The following OFD1 variants were observed in gnomAD, a reference collection of about 807,000 sequenced individuals.
The protein encoded by OFD1 is OFD1 centriole and centriolar satellite protein.
OFD1 carries 12 observed loss-of-function variants against 81.4 expected under a neutral mutation model. The observed-to-expected ratio is 0.15, with a 90% CI of 0.09 to 0.24. The LOEUF (loss-of-function observed/expected upper bound fraction) is 0.24, where lower values mean the gene tolerates loss of function less well. Ranked by LOEUF, OFD1 falls within the 10% of genes least tolerant of loss-of-function variation. The pLI, the probability that OFD1 is intolerant of heterozygous loss-of-function variation, is 1.00. For missense variants in OFD1, 685 were observed against 733.9 expected (o/e 0.93, Z 0.77); for synonymous variants, 256 against 263.7 (o/e 0.97, Z 0.28).
chrX:13,740,292 T>A, intron 5 of OFD1: 1 of 550,105 alleles, frequency 1.8e-6, no homozygotes, highest in South Asian at 2.4e-5. Flanking sequence ...GTGTCTATGC[T>A]GTTTAATGTG....
chrX:13,722,595 C>A, the OFD1 span, among the ~76,000 whole-genome samples: 3 of 111,562 alleles, frequency 2.7e-5, no homozygotes, highest in Admixed American at 9.5e-5. Context: ...GAGAAAATGA[C>A]CTCATTGTCT....
Position 13,749,504 on chromosome X carries a change from G to T in OFD1, c.906G>T (p.Glu302Asp). Residue 302 changes from glutamate to aspartate, a missense_variant, in exon 9 of 23, where the codon GAG becomes GAT. By Grantham distance (45) the Glu-to-Asp change is conservative. Around this residue, in one of 3 missense-constraint regions of OFD1, gnomAD observed 414 missense variants for 447.2 expected, o/e 0.93. Transcript: ENST00000340096. Reference sequence around the variant, plus strand: ...ATTTGCTAAGAGGAAGAGAAGCAGAGCTGAAGCAAAGAGTTGAAGCTTTTG... The same window carrying T: ...ATTTGCTAAGAGGAAGAGAAGCAGATCTGAAGCAAAGAGTTGAAGCTTTTG... ...DMDLLRGREA[E>D]LKQRVEAFEL... 2.5e-6 allele frequency: 3 copies of T among 1,191,593 alleles called. No homozygotes were observed. In the East Asian group the frequency reaches 8.9e-5, roughly 35 times the overall value.
At chrX:13,714,535 A>G in the OFD1 span, 2 of 833,684 alleles carry the variant, frequency 2.4e-6, no homozygotes, top group East Asian at 7.1e-5. Context: ...TAGTGAAGCA[A>G]AAAAGCTGAC....
chrX:13,752,975 A>G, intron 10 of OFD1: 1 of 902,742 alleles, frequency 1.1e-6, no homozygotes, highest in Non-Finnish European at 1.4e-6. Context: ...GGGTGGGCAG[A>G]TGGTACAGGT....
chrX:13,760,490 A>G lies in OFD1; in HGVS notation c.2030A>G (p.Glu677Gly). 8.6e-7 allele frequency: 1 copy of G among 1,168,173 alleles called. No homozygotes were observed. Among genetic ancestry groups the G allele is most frequent in the Non-Finnish European group, 1.1e-6 (1 of 876,533 alleles). ...AGCCCACCATCTCTGCACTTGCTGGAAGCCTTCAAAAACATTACTTCCAGT... is the reference window on the plus strand; with the variant it reads ...AGCCCACCATCTCTGCACTTGCTGGGAGCCTTCAAAAACATTACTTCCAGT... The part of the protein sequence containing the change: ...AKSPPSLHLL[E>G]AFKNITSSSP... The change falls in exon 16 of 23, where the codon GAA (glutamate) becomes GGA (glycine). Residue 677 changes from glutamate (E) to glycine (G), a missense_variant. By Grantham distance (98) the Glu-to-Gly change is moderately conservative. Around this residue, in one of 3 missense-constraint regions of OFD1, gnomAD observed 259 missense variants for 254.4 expected, o/e 1.02. Coordinates refer to ENST00000340096, the MANE Select transcript of OFD1 (RefSeq NM_003611.3).
chrX:13,772,738 A>G (rs2048324058), downstream of OFD1: 3 of 461,806 alleles, frequency 6.5e-6, no homozygotes, highest in Admixed American at 4.2e-5. Flanking sequence ...TTTCCTAGAG[A>G]TACATCCCAG....
At position 13,734,755 on chromosome X, in the gene OFD1, G is replaced by C; in HGVS notation, c.-317G>C. The C allele has an allele frequency of 9.6e-7, 1 of 1,044,778 alleles. No individual in the cohort carries two copies. Among genetic ancestry groups the C allele is most frequent in the South Asian group, 2.8e-5 (1 of 35,684 alleles). The allele number at this position is 1,044,778 out of a possible 1,213,427, so 86.1% of individuals were successfully genotyped here. A position where few individuals can be genotyped will look rare whatever the true frequency, so the allele number is the denominator to read the frequency against. ...GTTTCCGGAAGTTGCCGGACTGGCT[G>C]TGAGGCGGTCCTGCCTCGCTGCCTT... On this transcript the variant is annotated 5_prime_UTR_variant, in exon 1 of 23. Transcript: ENST00000340096.
the OFD1 span, among the ~76,000 whole-genome samples, chrX:13,717,034 T>TAAAA: frequency 6.6e-4 from 25 of 37,930 alleles, no homozygotes; most frequent in Admixed American, 8.7e-4. Context: ...GATACTATGT[T>TAAAA]AAAAAAAAAA....
intron 10 of OFD1, chrX:13,752,893 TATA>T: frequency 2.1e-6 from 2 of 937,706 alleles, no homozygotes; most frequent in Non-Finnish European, 2.7e-6. Flanking sequence ...CTAATCCGGA[TATA>T]ATGCTCTTGG....
chrX:13,750,000 A>G (rs964915971), intron 9 of OFD1, among the ~76,000 whole-genome samples: 1 of 112,396 alleles, frequency 8.9e-6, no homozygotes, highest in Non-Finnish European at 1.9e-5. Context: ...GTGCTCACAA[A>G]TGTTTCATCC....
chrX:13,759,355 C>G (rs933310002), intron 15 of OFD1, among the ~76,000 whole-genome samples: 1 of 112,286 alleles, frequency 8.9e-6, no homozygotes, highest in African/African-American at 3.2e-5. Context: ...ATAGCAGTCT[C>G]CTATCAATAA....
intron 5 of OFD1, among the ~76,000 whole-genome samples, chrX:13,740,701 G>A (rs1464006593): frequency 9.2e-6 from 1 of 109,042 alleles, no homozygotes; most frequent in Non-Finnish European, 1.9e-5. Flanking sequence ...GCTGAGGCAG[G>A]AGAATCGCTT....
chrX:13,720,026 C>T, the OFD1 span: 15 of 895,933 alleles, frequency 1.7e-5, no homozygotes, highest in Non-Finnish European at 1.8e-5. Flanking sequence ...AGTCAATCTT[C>T]AAATTAAAAA....
At chrX:13,764,847 A>G (rs2048066437) in intron 19 of OFD1, among the ~76,000 whole-genome samples, 2 of 111,531 alleles carry the variant, frequency 1.8e-5, no homozygotes, top group Non-Finnish European at 3.8e-5. Flanking sequence ...AGCGCTGAGC[A>G]TATAGCTCAA....
the OFD1 span, among the ~76,000 whole-genome samples, chrX:13,725,709 G>T: frequency 8.9e-6 from 1 of 112,391 alleles, no homozygotes; most frequent in Non-Finnish European, 1.9e-5. Context: ...TCCTCCAAAG[G>T]ATTGCAGCTC....
At chrX:13,716,552 C>T in the OFD1 span, 1 of 1,211,464 alleles carries the variant, frequency 8.3e-7, no homozygotes, top group Non-Finnish European at 1.1e-6. Flanking sequence ...GTGACAAATG[C>T]CGACACAAAC....
At chrX:13,761,002 C>T (rs1303355557) in intron 16 of OFD1, 83 bp from the exon 17 acceptor site, 1 of 1,110,978 alleles carries the variant, frequency 9.0e-7, no homozygotes, top group Non-Finnish European at 1.2e-6. Flanking sequence ...TATTTTCAAA[C>T]TAGTAGAGCT....
At chrX:13,763,671 C>T (rs1440793513) in intron 18 of OFD1, 74 bp from the exon 19 acceptor site, 1 of 827,213 alleles carries the variant, frequency 1.2e-6, no homozygotes, top group East Asian at 3.1e-5. Context: ...CAGTCAGTTG[C>T]CCCCACACTG....
the OFD1 span, among the ~76,000 whole-genome samples, chrX:13,722,994 C>T: frequency 3.7e-5 from 4 of 107,412 alleles, no homozygotes; most frequent in South Asian, 8.3e-4. Context: ...ACCTGGGAGG[C>T]GGAGCCAGAA....
Sources: gnomAD v4.1 joint callset for allele counts (sites outside exome capture counted in the v4.1 genomes callset) on GRCh38, gnomAD v4.1.1 for gene constraint, gnomAD v4.1.1 regional missense constraint, MANE v1.5 for transcripts, NCBI Gene and HGNC (gene_info 2026-07-23, HGNC 2026-07-21) for gene names.